The following HUNK variants were observed in gnomAD, a reference collection of about 807,000 sequenced individuals.
The protein encoded by HUNK is hormonally up-regulated neu tumor-associated kinase.
A neutral mutation model predicts 61.0 loss-of-function variants in HUNK; 21 were observed. That is an observed-to-expected ratio of 0.34 (90% CI 0.24 to 0.50). HUNK has a LOEUF of 0.50. HUNK is among the 20% of genes least tolerant of loss of function. The pLI is 0.98. For synonymous variants in HUNK, 371 were observed against 386.1 expected, an observed-to-expected ratio of 0.96 and a Z score of 0.46; for missense variants, 772 against 945.7, an observed-to-expected ratio of 0.82 and a Z score of 2.41.
At chr21:31,975,649 T>C (rs2053043410) in intron 7 of HUNK, among the ~76,000 whole-genome samples, 1 of 141,768 alleles carries the variant, frequency 7.1e-6, no homozygotes, top group Admixed American at 7.1e-5. Context: ...GGAAGACATT[T>C]ACCATCCAGA....
intron 3 of HUNK, among the ~76,000 whole-genome samples, chr21:31,941,244 T>C (rs1306180181): frequency 1.3e-5 from 2 of 152,164 alleles, no homozygotes; most frequent in African/African-American, 4.8e-5. Context: ...CAAAAGCATT[T>C]AGAAGAATCT....
At chr21:31,907,584 G>A (rs2052514836) in intron 1 of HUNK, among the ~76,000 whole-genome samples, 1 of 152,098 alleles carries the variant, frequency 6.6e-6, no homozygotes, top group African/African-American at 2.4e-5. Context: ...TTGATGAGTT[G>A]GACATGTGAG....
chr21:31,982,915 T>C (rs1361207314), intron 7 of HUNK, among the ~76,000 whole-genome samples: 2 of 152,206 alleles, frequency 1.3e-5, no homozygotes, highest in African/African-American at 4.8e-5. Flanking sequence ...GTGATTCTCC[T>C]TCCTCAGCCA....
At chr21:31,969,346 G>A (rs1015592258) in intron 6 of HUNK, among the ~76,000 whole-genome samples, 2 of 152,146 alleles carry the variant, frequency 1.3e-5, no homozygotes, top group Non-Finnish European at 2.9e-5. Context: ...GCCTTAAAAT[G>A]TGGGAGGCAG....
intron 4 of HUNK, among the ~76,000 whole-genome samples, chr21:31,946,570 C>T (rs1317779428): frequency 6.6e-6 from 1 of 152,118 alleles, no homozygotes; most frequent in African/African-American, 2.4e-5. Flanking sequence ...CTGTCCTGCT[C>T]ACAGTTCTTC....
intron 1 of HUNK, among the ~76,000 whole-genome samples, chr21:31,911,183 G>T (rs961467688): frequency 1.3e-5 from 2 of 152,196 alleles, no homozygotes; most frequent in Non-Finnish European, 2.9e-5. Flanking sequence ...GTGTGCGGGG[G>T]CTGTTCTGGA....
chr21:31,943,089 C>A (rs1052275108), intron 3 of HUNK, among the ~76,000 whole-genome samples: 4 of 149,478 alleles, frequency 2.7e-5, no homozygotes, highest in Non-Finnish European at 4.5e-5. Flanking sequence ...GCATTACCTA[C>A]TTTTTTTTTT....
At chr21:31,950,942 T>G (rs535785402) in intron 4 of HUNK, among the ~76,000 whole-genome samples, 1 of 152,164 alleles carries the variant, frequency 6.6e-6, no homozygotes, top group South Asian at 2.1e-4. Flanking sequence ...CTGAGATAGA[T>G]TTAGGAAGAA....
chr21:31,966,152 A>G (rs1224437515), intron 5 of HUNK, among the ~76,000 whole-genome samples: 2 of 152,202 alleles, frequency 1.3e-5, no homozygotes, highest in Non-Finnish European at 2.9e-5. Flanking sequence ...GAGTGAGAAT[A>G]CACAATGTTT....
chr21:31,938,779 G>A (rs2052749405), intron 2 of HUNK, among the ~76,000 whole-genome samples: 1 of 152,222 alleles, frequency 6.6e-6, no homozygotes, highest in South Asian at 2.1e-4. Flanking sequence ...GTGTGCGTGT[G>A]TGTAAGAGTG....
intron 9 of HUNK, among the ~76,000 whole-genome samples, chr21:31,992,628 T>G (rs2123255316): frequency 6.6e-6 from 1 of 151,992 alleles, no homozygotes; most frequent in Non-Finnish European, 1.5e-5. Flanking sequence ...AAGCCAGGAG[T>G]CTCTGCAGGC....
chr21:31,940,300 G>T, intron 3 of HUNK, 80 bp downstream of exon 3: 2 of 817,472 alleles, frequency 2.4e-6, no homozygotes, highest in Non-Finnish European at 1.9e-6. Flanking sequence ...AATTATCCAT[G>T]GTCTATCTCT....
intron 6 of HUNK, among the ~76,000 whole-genome samples, chr21:31,970,844 GTT>G (rs761861844): frequency 6.6e-5 from 10 of 152,112 alleles, no homozygotes; most frequent in Non-Finnish European, 1.5e-4. Flanking sequence ...CTCCTATCCT[GTT>G]GTTGCCAGAT....
At chr21:31,927,894 A>T (rs2052671831) in intron 2 of HUNK, among the ~76,000 whole-genome samples, 1 of 152,130 alleles carries the variant, frequency 6.6e-6, no homozygotes, top group African/African-American at 2.4e-5. Flanking sequence ...GCACCTCTTC[A>T]CATACGTATT....
At chr21:31,946,531 G>A (rs1467024181) in intron 4 of HUNK, among the ~76,000 whole-genome samples, 2 of 152,052 alleles carry the variant, frequency 1.3e-5, no homozygotes, top group Non-Finnish European at 2.9e-5. Context: ...TGCTCCTTGC[G>A]GGACTTGCTC....
chr21:31,916,841 T>A (rs1473976900), intron 1 of HUNK, among the ~76,000 whole-genome samples: 2 of 151,960 alleles, frequency 1.3e-5, no homozygotes, highest in African/African-American at 2.4e-5. Context: ...CACGCCCAGA[T>A]AATTTTTGTA....
chr21:31,977,719 T>C (rs2053060211), intron 7 of HUNK, among the ~76,000 whole-genome samples: 1 of 152,138 alleles, frequency 6.6e-6, no homozygotes, highest in Non-Finnish European at 1.5e-5. Flanking sequence ...ACAAAAAGAG[T>C]CTCACTCTGT....
At chr21:31,913,968 G>T in intron 1 of HUNK, among the ~76,000 whole-genome samples, 1 of 152,104 alleles carries the variant, frequency 6.6e-6, no homozygotes, top group Non-Finnish European at 1.5e-5. Flanking sequence ...CAAACACGCA[G>T]AGCCTACTGA....
chr21:31,914,897 G>A (rs1448016434), intron 1 of HUNK, among the ~76,000 whole-genome samples: 2 of 152,018 alleles, frequency 1.3e-5, no homozygotes, highest in Non-Finnish European at 2.9e-5. Context: ...TTCAACATAC[G>A]CAATTCAGTC....
Sources: gnomAD v4.1 joint callset for allele counts (sites outside exome capture counted in the v4.1 genomes callset) on GRCh38, gnomAD v4.1.1 for gene constraint, MANE v1.5 for transcripts, NCBI Gene and HGNC (gene_info 2026-07-23, HGNC 2026-07-21) for gene names.